TUT4: variants seen among roughly 807,000 people sequenced by gnomAD.
TUT4 encodes the protein terminal uridylyltransferase 4.
A neutral mutation model predicts 192.2 loss-of-function variants in TUT4; 36 were observed. The ratio of observed to expected loss-of-function variants is 0.19; its 90% CI spans 0.14 to 0.25. The LOEUF is 0.25. Ranked by LOEUF, TUT4 falls within the 10% of genes least tolerant of loss-of-function variation. The probability of loss-of-function intolerance (pLI) is 1.00; values close to 1 mark genes in which losing one functional copy is unlikely to be tolerated. For synonymous variants in TUT4, 618 were observed against 666.0 expected, an observed-to-expected ratio of 0.93 and a Z score of 1.11; for missense variants, 1,493 against 1,957.2, an observed-to-expected ratio of 0.76 and a Z score of 4.47.
chr1:52,496,428 A>T (rs1672453432), intron 5 of TUT4, among the ~76,000 whole-genome samples: 1 of 152,162 alleles, frequency 6.6e-6, no homozygotes, highest in African/African-American at 2.4e-5. Context: ...AAATGGATCT[A>T]TATGAAAGTA....
chr1:52,440,757 T>A (rs1022588008), intron 24 of TUT4, among the ~76,000 whole-genome samples: 7 of 152,162 alleles, frequency 4.6e-5, no homozygotes, highest in Non-Finnish European at 1.0e-4. Context: ...AAGTAGTAAA[T>A]CTTTTAGGTG....
In TUT4 at chr1:52,526,371, A is replaced by G; in HGVS notation, c.-91T>C. 6 of 1,155,354 alleles carry G rather than the reference A, an allele frequency of 5.2e-6. No individual in the cohort carries two copies. The highest frequency in any genetic ancestry group is 6.7e-6 in the Non-Finnish European group (6 of 893,530). The allele number at this position is 1,155,354 out of a possible 1,614,324, so 71.6% of individuals were successfully genotyped here. A position where few individuals can be genotyped will look rare whatever the true frequency, so the allele number is the denominator to read the frequency against. ...TGCTTCAAGTCCAGTTTAGGCAAGC[A>G]AACTATTGGGTTAAAAAAAAGAGAA... On this transcript the variant is annotated splice_region_variant and 5_prime_UTR_variant, in exon 2 of 30. Coordinates refer to ENST00000257177, the MANE Select transcript of TUT4 (RefSeq NM_001009881.3).
At chr1:52,516,190 G>A (rs543701689) in intron 2 of TUT4, 136 bp from the exon 3 acceptor site, 79 of 705,504 alleles carry the variant, frequency 1.1e-4, no homozygotes, top group Non-Finnish European at 1.6e-4. Flanking sequence ...TATACAAGTT[G>A]GTATGCATAT....
chr1:52,470,084 T>C (rs1436277101), intron 14 of TUT4, among the ~76,000 whole-genome samples: 2 of 151,972 alleles, frequency 1.3e-5, no homozygotes, highest in African/African-American at 2.4e-5. Flanking sequence ...GAACCACAGC[T>C]CCTTGGACAA....
chr1:52,494,112 T>C (rs537288135), intron 6 of TUT4, among the ~76,000 whole-genome samples: 1 of 152,302 alleles, frequency 6.6e-6, no homozygotes, highest in Admixed American at 6.5e-5. Flanking sequence ...CATGTTTTAC[T>C]TTTATGTCAA....
chr1:52,536,017 A>G (rs1684804754), intron 1 of TUT4, among the ~76,000 whole-genome samples: 1 of 152,260 alleles, frequency 6.6e-6, no homozygotes, highest in Non-Finnish European at 1.5e-5. Context: ...TGCTGAGATG[A>G]AAAGACATTA....
At chr1:52,462,729 T>C (rs1463269566) in intron 16 of TUT4, 12 of 984,398 alleles carry the variant, frequency 1.2e-5, no homozygotes, top group East Asian at 1.1e-4. Context: ...ATACTCCTAT[T>C]ATCACCAGCA....
intron 11 of TUT4, 72 bp from the exon 12 acceptor site, chr1:52,477,954 A>G (rs2148921295): frequency 7.3e-7 from 1 of 1,365,024 alleles, no homozygotes; most frequent in South Asian, 1.7e-5. Flanking sequence ...CAGTTAGAGA[A>G]GACCTTGGAG....
Position 52,466,682 on chromosome 1 carries a change from A to ATATTTT in TUT4, c.2965+1498_2965+1499insAAAATA, listed in dbSNP as rs372853314. ...AAAATATATATATATATATATATAT[A>ATATTTT]TTTTTGAGACAGAGTTTCGCTCTTG... On this transcript the variant is annotated intron_variant, in intron 15 of 29. Transcript: ENST00000257177. Among the ~76,000 whole-genome samples, 329 of 123,772 alleles carry ATATTTT rather than the reference A, an allele frequency of 2.7e-3. 1 individual carries two copies. Among genetic ancestry groups the ATATTTT allele is most frequent in the African/African-American group, 0.01 (317 of 30,798 alleles). 81.2% of individuals were successfully genotyped at this position (123,772 alleles called of 152,430 possible).
chr1:52,468,260 T>A lies in TUT4; in HGVS notation c.2886A>T (p.Leu962Phe). ...DLVCKRCFDE[L>F]SPPCSEQHNR... ...TGTGTTGTTCAGAACAAGGTGGTGA[T>A]AACTCATCTGGGTTTATAAAAAGAA... Residue 962 changes from leucine to phenylalanine, a missense_variant, in exon 15 of 30, where the codon TTA becomes TTT. Transcript: ENST00000257177. The A allele has an allele frequency of 3.8e-6, 6 of 1,594,992 alleles. No homozygotes were observed. Among genetic ancestry groups the A allele is most frequent in the Non-Finnish European group, 5.1e-6 (6 of 1,175,296 alleles).
At chr1:52,514,350 A>G (rs1277668759) in intron 3 of TUT4, among the ~76,000 whole-genome samples, 2 of 152,216 alleles carry the variant, frequency 1.3e-5, no homozygotes, top group African/African-American at 2.4e-5. Flanking sequence ...CTGAGGCAGG[A>G]GAATTGCTTG....
At chr1:52,440,433 G>GTTTTT (rs908687717) in intron 24 of TUT4, among the ~76,000 whole-genome samples, 8 of 110,162 alleles carry the variant, frequency 7.3e-5, no homozygotes, top group South Asian at 3.0e-4. Flanking sequence ...CCCATCCTGT[G>GTTTTT]TTTTTTTTTT....
At chr1:52,497,478 C>T (rs1336792629) in intron 4 of TUT4, among the ~76,000 whole-genome samples, 1 of 152,170 alleles carries the variant, frequency 6.6e-6, no homozygotes, top group Non-Finnish European at 1.5e-5. Context: ...ACCTTAAGTA[C>T]AATACTAACT....
chr1:52,473,848 T>C (rs140589920), intron 13 of TUT4, among the ~76,000 whole-genome samples: 21 of 152,152 alleles, frequency 1.4e-4, no homozygotes, highest in African/African-American at 2.9e-4. Context: ...AAAGCAGTTA[T>C]CGCTTACTTC....
At chr1:52,474,700 A>G (rs1666651384) in intron 13 of TUT4, 132 bp downstream of exon 13, 5 of 798,402 alleles carry the variant, frequency 6.3e-6, no homozygotes, top group Middle Eastern at 3.8e-4. Flanking sequence ...AAAAGGTAAA[A>G]TACATACCAA....
chr1:52,513,393 CAA>C (rs554170439), intron 3 of TUT4, among the ~76,000 whole-genome samples: 8,082 of 41,506 alleles, frequency 0.19, 142 homozygotes, highest in East Asian at 0.29. Context: ...GACCCTGTCT[CAA>C]AAAAAAAAAA....
chr1:52,501,091 G>A (rs552534642), intron 4 of TUT4, among the ~76,000 whole-genome samples: 68 of 152,164 alleles, frequency 4.5e-4, no homozygotes, highest in Non-Finnish European at 7.2e-4. Context: ...GGCAACAAAA[G>A]TAAAAGCAGA....
intron 16 of TUT4, chr1:52,463,716 C>T: frequency 3.1e-6 from 4 of 1,304,292 alleles, no homozygotes; most frequent in Non-Finnish European, 4.0e-6. Flanking sequence ...GACACTTCTT[C>T]CCTGTCCAAT....
chr1:52,442,057 A>C (rs551210150), intron 24 of TUT4, among the ~76,000 whole-genome samples: 8 of 150,956 alleles, frequency 5.3e-5, no homozygotes, highest in African/African-American at 2.0e-4. Flanking sequence ...AATCCCAGTT[A>C]CTCTGGAGGC....
Sources: gnomAD v4.1 joint callset for allele counts (sites outside exome capture counted in the v4.1 genomes callset) on GRCh38, gnomAD v4.1.1 for gene constraint, MANE v1.5 for transcripts, NCBI Gene and HGNC (gene_info 2026-07-23, HGNC 2026-07-21) for gene names.